XYLT1: variants seen among roughly 807,000 people sequenced by gnomAD.
XYLT1 encodes xylosyltransferase 1.
In XYLT1, 36 loss-of-function variants were observed where a neutral mutation model predicts 91.3. The observed-to-expected ratio is 0.39, with a 90% CI of 0.30 to 0.52. The LOEUF (loss-of-function observed/expected upper bound fraction) is 0.52, where lower values mean the gene tolerates loss of function less well. Among genes scored for constraint, XYLT1 ranks in the 20% least tolerant of loss-of-function variants. The pLI is 0.68. For missense variants in XYLT1, 1,242 were observed against 1,284.5 expected, an observed-to-expected ratio of 0.97 and a Z score of 0.51; for synonymous variants, 588 against 532.0, an observed-to-expected ratio of 1.11 and a Z score of -1.45.
chr16:17,375,431 C>A (rs1388367192), intron 1 of XYLT1, among the ~76,000 whole-genome samples: 18 of 137,230 alleles, frequency 1.3e-4, no homozygotes, highest in African/African-American at 1.4e-4. Context: ...TGTCGCAATG[C>A]AAAAAAAAAA....
rs2033764652 is a variant in XYLT1 at position 17,264,006 on chromosome 16, G to A, written c.403-4508C>T. On this transcript the variant is annotated intron_variant, in intron 2 of 11. Transcript: ENST00000261381. The stretch of plus-strand genomic sequence containing the variant: ...CTACTATGATAATAACACTTAACAT[G>A]AGATCTACCCTCTGAACCAATTTTT... Among the ~76,000 whole-genome samples, 3 of 152,268 alleles carry A rather than the reference G, an allele frequency of 2.0e-5. No homozygotes were observed. In the South Asian group the frequency reaches 6.2e-4, roughly 32 times the overall value.
At position 17,297,477 on chromosome 16, in the gene XYLT1, A is replaced by C. The variant is rs115487788; in HGVS notation, c.403-37979T>G. Among the ~76,000 whole-genome samples the C allele has an allele frequency of 3.5e-3, 540 of 152,192 alleles. 5 individuals carry two copies. The highest frequency in any genetic ancestry group is 0.012 in the African/African-American group (499 of 41,528). ...ACGCCTGTAATCCCAGCACTCTAGG[A>C]AGCCAAGGCAAGATCACTTGAGGCC... is the stretch of plus-strand genomic sequence containing the variant. On this transcript the variant is annotated intron_variant, in intron 2 of 11. Transcript: ENST00000261381.
chr16:17,351,119 A>G (rs1452979877), intron 2 of XYLT1, among the ~76,000 whole-genome samples: 1 of 152,112 alleles, frequency 6.6e-6, no homozygotes, highest in African/African-American at 2.4e-5. Flanking sequence ...TAATGATCCA[A>G]CAGAACTCAG....
chr16:17,327,606 GCCCCCCCCCCCCCC>G (rs59482549), intron 2 of XYLT1, among the ~76,000 whole-genome samples: 38 of 2,108 alleles, frequency 0.018, 6 homozygotes, highest in East Asian at 0.075. Context: ...TCGTGATCCC[GCCCCCCCCCCCCCC>G]CCCCCCCCGC....
rs899187224 is a variant in XYLT1 at position 17,121,349 on chromosome 16, G to C, written c.2224-3370C>G. On this transcript the variant is annotated intron_variant, in intron 10 of 11. Transcript: ENST00000261381. ...GGATCTTGTTTTTCAACCGAGGAGC[G>C]TGAAGGGTGAGGTGTGGGGCAGCCT... 3.3e-5 allele frequency among the ~76,000 whole-genome samples: 5 copies of C among 152,262 alleles called. No homozygotes were observed. The East Asian group carries it at 7.7e-4, about 24-fold the overall frequency.
chr16:17,303,838 T>C (rs185967292), intron 2 of XYLT1, among the ~76,000 whole-genome samples: 176 of 152,328 alleles, frequency 1.2e-3, no homozygotes, highest in Non-Finnish European at 2.0e-3. Context: ...AGATTTTTTT[T>C]CCCATCATTT....
chr16:17,213,173 G>A (rs186992898), intron 3 of XYLT1, among the ~76,000 whole-genome samples: 2 of 152,232 alleles, frequency 1.3e-5, no homozygotes, highest in East Asian at 3.9e-4. Context: ...AGAGATCTGC[G>A]TGTTTAAAAG....
chr16:17,239,537 C>T (rs2033310654), intron 3 of XYLT1, among the ~76,000 whole-genome samples: 1 of 137,496 alleles, frequency 7.3e-6, no homozygotes, highest in African/African-American at 2.6e-5. Flanking sequence ...TCCATCCATC[C>T]CATTCATCCA....
chr16:17,258,137 A>G (rs966500390), intron 3 of XYLT1, among the ~76,000 whole-genome samples: 3 of 151,526 alleles, frequency 2.0e-5, no homozygotes, highest in Non-Finnish European at 4.4e-5. Flanking sequence ...GGGAAAAGCA[A>G]AGAGCAAGGA....
intron 1 of XYLT1, among the ~76,000 whole-genome samples, chr16:17,410,177 C>T (rs2036089399): frequency 6.6e-6 from 1 of 152,152 alleles, no homozygotes; most frequent in Admixed American, 6.5e-5. Context: ...ATAACTTGCT[C>T]TTTCAGGAAA....
At chr16:17,265,491 C>A (rs2033791499) in intron 2 of XYLT1, among the ~76,000 whole-genome samples, 2 of 152,220 alleles carry the variant, frequency 1.3e-5, no homozygotes, top group Non-Finnish European at 2.9e-5. Context: ...GTACTTATTA[C>A]AATGATTGCA....
At chr16:17,267,483 C>T (rs377754310) in intron 2 of XYLT1, among the ~76,000 whole-genome samples, 15 of 152,338 alleles carry the variant, frequency 9.8e-5, no homozygotes, top group African/African-American at 3.6e-4. Context: ...TCACGCTCAT[C>T]GCAAGCTCCG....
At chr16:17,370,280 G>A (rs56985075) in intron 1 of XYLT1, among the ~76,000 whole-genome samples, 399 of 152,316 alleles carry the variant, frequency 2.6e-3, no homozygotes, top group African/African-American at 9.2e-3. Context: ...TAATCAACAC[G>A]CAGGAGACGA....
At chr16:17,338,097 C>G in intron 2 of XYLT1, 1 of 429,964 alleles carries the variant, frequency 2.3e-6, no homozygotes, top group South Asian at 1.7e-5. Flanking sequence ...GCCCTCAAAT[C>G]TGTCCCCTCC....
chr16:17,420,229 C>A (rs2036234903), intron 1 of XYLT1, among the ~76,000 whole-genome samples: 1 of 152,126 alleles, frequency 6.6e-6, no homozygotes, highest in Admixed American at 6.6e-5. Context: ...TAGAGTTATA[C>A]ACATAATTTT....
intron 1 of XYLT1, among the ~76,000 whole-genome samples, chr16:17,451,774 C>G (rs1367305564): frequency 6.6e-6 from 1 of 152,128 alleles, no homozygotes; most frequent in Non-Finnish European, 1.5e-5. Flanking sequence ...GGGACCTGCT[C>G]CCCAGAGCTC....
At chr16:17,375,432 A>C (rs1314737444) in intron 1 of XYLT1, among the ~76,000 whole-genome samples, 1 of 69,992 alleles carries the variant, frequency 1.4e-5, no homozygotes, top group Non-Finnish European at 3.9e-5. Context: ...GTCGCAATGC[A>C]AAAAAAAAAA....
In XYLT1 at chr16:17,134,613, G is replaced by A. The variant is rs1157803825; in HGVS notation, c.1887C>T (p.Ser629=). The change falls in exon 9 of 12, where the codon TCC becomes TCT. Residue 629 remains serine (S), a synonymous_variant. Transcript: ENST00000261381. The stretch of plus-strand genomic sequence containing the variant: ...GCTCATCGTAGACATTCTCCCAGTA[G>A]GAGCGCAGGCCCGGGGTACCTGCAG... ...NYPAGTPGLR[S]YWENVYDEPD... is the part of the protein sequence containing the mutation. The A allele has an allele frequency of 3.7e-6, 6 of 1,614,200 alleles. No individual in the cohort carries two copies. The Admixed American group carries it at 8.3e-5, about 22-fold the overall frequency.
At chr16:17,139,332 G>GTCCTC (rs1328502560) in intron 7 of XYLT1, among the ~76,000 whole-genome samples, 1 of 152,140 alleles carries the variant, frequency 6.6e-6, no homozygotes, top group East Asian at 1.9e-4. Flanking sequence ...TTCTAAACCA[G>GTCCTC]TCCTCTTGAA....
Sources: gnomAD v4.1 joint callset for allele counts (sites outside exome capture counted in the v4.1 genomes callset) on GRCh38, gnomAD v4.1.1 for gene constraint, MANE v1.5 for transcripts, NCBI Gene and HGNC (gene_info 2026-07-23, HGNC 2026-07-21) for gene names.